RSRC1: variants seen among roughly 807,000 people sequenced by gnomAD.
The protein encoded by RSRC1 is arginine and serine rich coiled-coil 1, also known as serine/Arginine-related protein 53.
Under a neutral mutation model 49.1 loss-of-function variants are expected in RSRC1, and 39 were observed. That is an observed-to-expected ratio of 0.79 (90% CI 0.61 to 1.04). The LOEUF is 1.04. Among genes scored for constraint, RSRC1 ranks in the 50% least tolerant of loss-of-function variants. RSRC1 has a pLI of 0.00. For missense variants in RSRC1, 388 were observed against 402.4 expected (o/e 0.96, Z 0.31); for synonymous variants, 143 against 130.8 (o/e 1.09, Z -0.63).
At chr3:158,423,300 G>T (rs529615980) in intron 6 of RSRC1, among the ~76,000 whole-genome samples, 1 of 152,200 alleles carries the variant, frequency 6.6e-6, no homozygotes, top group Admixed American at 6.5e-5. Flanking sequence ...CATATGGCTA[G>T]CCAGTTTTCC....
At chr3:158,128,363 A>G (rs904045638) in intron 3 of RSRC1, among the ~76,000 whole-genome samples, 4 of 152,110 alleles carry the variant, frequency 2.6e-5, no homozygotes, top group African/African-American at 9.7e-5. Context: ...GAGTACTGCA[A>G]CTTCTTAACT....
At chr3:158,282,755 G>A (rs977166674) in intron 4 of RSRC1, among the ~76,000 whole-genome samples, 8 of 152,194 alleles carry the variant, frequency 5.3e-5, no homozygotes, top group Non-Finnish European at 1.2e-4. Flanking sequence ...GTTTTAGGTA[G>A]ATGAATGGAT....
chr3:158,206,020 A>G (rs952993066), intron 4 of RSRC1, among the ~76,000 whole-genome samples: 3 of 152,230 alleles, frequency 2.0e-5, no homozygotes, highest in African/African-American at 4.8e-5. Flanking sequence ...TATAGGTAAT[A>G]GTAAACTAAC....
intron 7 of RSRC1, chr3:158,469,494 G>T (rs894206791): frequency 9.6e-6 from 3 of 313,450 alleles, no homozygotes; most frequent in African/African-American, 6.7e-5. Context: ...CATAGTCTTT[G>T]CAAAATGAAA....
intron 4 of RSRC1, among the ~76,000 whole-genome samples, chr3:158,290,873 T>C (rs761539061): frequency 6.6e-6 from 1 of 152,164 alleles, no homozygotes; most frequent in African/African-American, 2.4e-5. Flanking sequence ...ATAATATGTT[T>C]AGTTCATGAC....
intron 3 of RSRC1, among the ~76,000 whole-genome samples, chr3:158,153,118 C>G (rs926809005): frequency 1.3e-5 from 2 of 152,160 alleles, no homozygotes; most frequent in African/African-American, 2.4e-5. Flanking sequence ...AAGCAACTTT[C>G]TCCCTATACC....
intron 6 of RSRC1, among the ~76,000 whole-genome samples, chr3:158,380,349 A>G (rs1732634202): frequency 6.6e-6 from 1 of 152,068 alleles, no homozygotes; most frequent in African/African-American, 2.4e-5. Flanking sequence ...AGTCCCAGCT[A>G]CTCAGGAAGC....
intron 3 of RSRC1, 144 bp downstream of exon 3, chr3:158,124,135 C>G (rs1184116849): frequency 4.2e-6 from 2 of 481,748 alleles, no homozygotes; most frequent in African/African-American, 3.9e-5. Context: ...TGGGGTCATT[C>G]ATGCAGTTAG....
intron 4 of RSRC1, among the ~76,000 whole-genome samples, chr3:158,223,619 C>G (rs1247320629): frequency 7.0e-6 from 1 of 142,522 alleles, no homozygotes; most frequent in Non-Finnish European, 1.5e-5. Flanking sequence ...ATCTTGTCCT[C>G]CCCATAATCC....
At chr3:158,198,563 T>G (rs1720803066) in intron 3 of RSRC1, among the ~76,000 whole-genome samples, 1 of 152,174 alleles carries the variant, frequency 6.6e-6, no homozygotes. Flanking sequence ...GCTCGTTAGT[T>G]GATGCATTTT....
intron 6 of RSRC1, among the ~76,000 whole-genome samples, chr3:158,422,566 T>A (rs1247444203): frequency 6.6e-6 from 1 of 151,126 alleles, no homozygotes; most frequent in Non-Finnish European, 1.5e-5. Context: ...AGCAGCATGA[T>A]TTATCGTCCT....
chr3:158,306,822 C>A (rs1275009382), intron 5 of RSRC1, among the ~76,000 whole-genome samples: 1 of 151,850 alleles, frequency 6.6e-6, no homozygotes, highest in Admixed American at 6.6e-5. Flanking sequence ...AGTATAATTT[C>A]TTTCCTTGTT....
At chr3:158,145,830 CT>C (rs1218851444) in intron 3 of RSRC1, among the ~76,000 whole-genome samples, 1 of 152,164 alleles carries the variant, frequency 6.6e-6, no homozygotes, top group Non-Finnish European at 1.5e-5. Flanking sequence ...TGTAGCTCTC[CT>C]TGAAGAGGTC....
intron 6 of RSRC1, among the ~76,000 whole-genome samples, chr3:158,452,192 T>C (rs921446913): frequency 6.6e-6 from 1 of 152,176 alleles, no homozygotes; most frequent in African/African-American, 2.4e-5. Flanking sequence ...TAAACTGTGA[T>C]TCACAGGCTC....
In RSRC1 at chr3:158,229,390, A is replaced by G. The variant is rs796263855; in HGVS notation, c.494+26145A>G. Reference sequence around the variant, plus strand: ...CACGTATATGTGTATGTATGTGTATATATATACACATACACACGTATATGT... The same window carrying G: ...CACGTATATGTGTATGTATGTGTATGTATATACACATACACACGTATATGT... On this transcript the variant is annotated intron_variant, in intron 4 of 9. Transcript: ENST00000611884. 4.6e-4 allele frequency among the ~76,000 whole-genome samples: 49 copies of G among 107,466 alleles called. 1 individual carries two copies. Among genetic ancestry groups the G allele is most frequent in the East Asian group, 4.5e-3 (8 of 1,780 alleles). 70.5% of individuals were successfully genotyped at this position (107,466 alleles called of 152,430 possible). A position where few individuals can be genotyped will look rare whatever the true frequency, so the allele number is the denominator to read the frequency against.
At chr3:158,437,534 A>G (rs1454258668) in intron 6 of RSRC1, among the ~76,000 whole-genome samples, 2 of 152,188 alleles carry the variant, frequency 1.3e-5, no homozygotes, top group East Asian at 1.9e-4. Context: ...AACGGAATCC[A>G]TCACATAAAC....
intron 7 of RSRC1, among the ~76,000 whole-genome samples, chr3:158,508,783 T>A (rs1740004524): frequency 6.6e-6 from 1 of 152,182 alleles, no homozygotes; most frequent in South Asian, 2.1e-4. Context: ...TAGTATCTCA[T>A]CACGTAGGCA....
rs142580770 is a variant in RSRC1 at position 158,261,265 on chromosome 3, A to C, written c.495-36774A>C. Among the ~76,000 whole-genome samples, 296 of 152,346 alleles carry C rather than the reference A, an allele frequency of 1.9e-3. 1 individual carries two copies. The highest frequency in any genetic ancestry group is 4.5e-3 in the African/African-American group (186 of 41,574). On this transcript the variant is annotated intron_variant, in intron 4 of 9. Coordinates refer to ENST00000611884, the MANE Select transcript of RSRC1 (RefSeq NM_001271838.2). Reference sequence around the variant, plus strand: ...GTTCTAATTATTCCACATCCTCAGCAAAACTGTGCGTGGTCAGTCTTTTTA... The same window carrying C: ...GTTCTAATTATTCCACATCCTCAGCCAAACTGTGCGTGGTCAGTCTTTTTA...
intron 4 of RSRC1, among the ~76,000 whole-genome samples, chr3:158,240,727 A>G (rs699916): frequency 0.61 from 93,301 of 151,892 alleles, 29,030 homozygotes; most frequent in East Asian, 0.73. Flanking sequence ...CAAGTTATAA[A>G]TTTTAAGTGG....
Sources: gnomAD v4.1 joint callset for allele counts (sites outside exome capture counted in the v4.1 genomes callset) on GRCh38, gnomAD v4.1.1 for gene constraint, MANE v1.5 for transcripts, NCBI Gene and HGNC (gene_info 2026-07-23, HGNC 2026-07-21) for gene names.